The following CLEC9A variants were observed in gnomAD, a reference collection of about 807,000 sequenced individuals.
CLEC9A encodes C-type lectin domain family 9 member A.
In CLEC9A, 24 loss-of-function variants were observed where a neutral mutation model predicts 30.0. That is an observed-to-expected ratio of 0.80 (90% CI 0.58 to 1.13). CLEC9A has a LOEUF of 1.13. Among genes scored for constraint, CLEC9A ranks in the 50% most tolerant of loss-of-function variants. The pLI, the probability that CLEC9A is intolerant of heterozygous loss-of-function variation, is 0.00. For missense variants in CLEC9A, 251 were observed against 280.9 expected, an observed-to-expected ratio of 0.89 and a Z score of 0.76; for synonymous variants, 111 against 96.8, an observed-to-expected ratio of 1.15 and a Z score of -0.86.
At chr12:10,059,017 A>G (rs1380744351) in intron 5 of CLEC9A, among the ~76,000 whole-genome samples, 1 of 151,922 alleles carries the variant, frequency 6.6e-6, no homozygotes, top group African/African-American at 2.4e-5. Context: ...AGGTGTTTTT[A>G]TTTGTTTTTT....
chr12:10,037,686 C>A (rs182606033), intron 1 of CLEC9A, among the ~76,000 whole-genome samples: 59 of 152,256 alleles, frequency 3.9e-4, no homozygotes, highest in African/African-American at 1.4e-3. Flanking sequence ...AGCTGGGAAG[C>A]AATTTTTTTT....
chr12:10,060,192 G>T (rs1865984577), intron 5 of CLEC9A, among the ~76,000 whole-genome samples: 1 of 152,136 alleles, frequency 6.6e-6, no homozygotes, highest in Non-Finnish European at 1.5e-5. Flanking sequence ...CACAACAATT[G>T]CACTCTTGAG....
intron 7 of CLEC9A, among the ~76,000 whole-genome samples, chr12:10,063,652 G>A (rs1866016492): frequency 6.6e-6 from 1 of 152,168 alleles, no homozygotes; most frequent in African/African-American, 2.4e-5. Context: ...AAATAAATAG[G>A]TCTTGAAAAA....
At position 10,054,449 on chromosome 12, in the gene CLEC9A, A is replaced by C; in HGVS notation, c.172+98A>C. The C allele has an allele frequency of 5.3e-6, 4 of 753,150 alleles. No homozygotes were observed. In the Admixed American group the frequency reaches 1.3e-4, roughly 24 times the overall value. 46.7% of individuals were successfully genotyped at this position (753,150 alleles called of 1,614,324 possible). A position where few individuals can be genotyped will look rare whatever the true frequency, so the allele number is the denominator to read the frequency against. ...AAAATCAATTCATATGTGAATGCAC[A>C]TAAATGATATAAAATAATGGCCTCA... On this transcript the variant is annotated intron_variant, in intron 5 of 8. Coordinates refer to ENST00000355819, the MANE Select transcript of CLEC9A (RefSeq NM_207345.4).
chr12:10,034,699 T>C (rs752849836), intron 1 of CLEC9A, among the ~76,000 whole-genome samples: 61 of 152,262 alleles, frequency 4.0e-4, no homozygotes, highest in Admixed American at 1.5e-3. Flanking sequence ...AATGGAGGTA[T>C]GGCTCGCTTC....
intron 1 of CLEC9A, among the ~76,000 whole-genome samples, chr12:10,033,668 A>C (rs1865719653): frequency 6.6e-6 from 1 of 152,250 alleles, no homozygotes; most frequent in Non-Finnish European, 1.5e-5. Context: ...ATGGAAGCAC[A>C]GTTATTAATT....
chr12:10,032,996 T>C (rs1865713259), intron 1 of CLEC9A, among the ~76,000 whole-genome samples: 1 of 152,038 alleles, frequency 6.6e-6, no homozygotes, highest in African/African-American at 2.4e-5. Context: ...ACTATTTCTA[T>C]GAAAACACTC....
chr12:10,032,866 T>C (rs966842251), intron 1 of CLEC9A, among the ~76,000 whole-genome samples: 3 of 152,112 alleles, frequency 2.0e-5, no homozygotes, highest in Admixed American at 2.0e-4. Context: ...ACGATTCTAA[T>C]TTTCTTATAT....
Position 10,041,603 on chromosome 12 carries a change from G to T in CLEC9A, c.-180G>T. ...CATGAAGGCTACTCTCCTGAAGACT[G>T]ACAACCAGAACATTCTGGTAAGAAG... On this transcript the variant is annotated 5_prime_UTR_variant, in exon 2 of 9. Transcript: ENST00000355819. 1.9e-6 allele frequency: 1 copy of T among 529,116 alleles called. No individual in the cohort carries two copies. The allele number at this position is 529,116 out of a possible 1,614,324, so 32.8% of individuals were successfully genotyped here. A position where few individuals can be genotyped will look rare whatever the true frequency, so the allele number is the denominator to read the frequency against.
At chr12:10,046,553 G>A (rs541276588) in intron 2 of CLEC9A, among the ~76,000 whole-genome samples, 1 of 152,314 alleles carries the variant, frequency 6.6e-6, no homozygotes, top group African/African-American at 2.4e-5. Flanking sequence ...AACTCAGCAA[G>A]TATTTATAGA....
chr12:10,048,957 G>A (rs185469569), intron 2 of CLEC9A, among the ~76,000 whole-genome samples: 1 of 152,204 alleles, frequency 6.6e-6, no homozygotes, highest in East Asian at 1.9e-4. Flanking sequence ...CACTATCCAT[G>A]GCAGTGATAG....
At chr12:10,064,191 TTTG>T (rs1387407924) in intron 7 of CLEC9A, among the ~76,000 whole-genome samples, 2 of 152,154 alleles carry the variant, frequency 1.3e-5, no homozygotes, top group Non-Finnish European at 2.9e-5. Flanking sequence ...GAGAAAATAA[TTTG>T]TTAAGGATAT....
At chr12:10,049,593 A>G (rs1865875872) in intron 2 of CLEC9A, among the ~76,000 whole-genome samples, 1 of 152,122 alleles carries the variant, frequency 6.6e-6, no homozygotes. Flanking sequence ...TTTGTTAGAG[A>G]TGGGTTCTTT....
intron 1 of CLEC9A, among the ~76,000 whole-genome samples, chr12:10,038,393 A>G (rs1474112658): frequency 6.6e-6 from 1 of 152,248 alleles, no homozygotes; most frequent in Non-Finnish European, 1.5e-5. Context: ...TTCAGAGTGA[A>G]GGAGATAGCA....
Position 10,065,899 on chromosome 12 carries a change from T to C in CLEC9A, c.*267T>C. 1 of 300,224 alleles carries C rather than the reference T, an allele frequency of 3.3e-6. No individual in the cohort carries two copies. 18.6% of individuals were successfully genotyped at this position (300,224 alleles called of 1,614,324 possible). A position where few individuals can be genotyped will look rare whatever the true frequency, so the allele number is the denominator to read the frequency against. On this transcript the variant is annotated 3_prime_UTR_variant, in exon 9 of 9. Coordinates refer to ENST00000355819, the MANE Select transcript of CLEC9A (RefSeq NM_207345.4). ...GTTAAGAACAAACGCAAGGAAATAA[T>C]TTTTATTGTTTAAAGCCCGGAATGA...
chr12:10,055,278 T>C (rs1194561321), intron 5 of CLEC9A, among the ~76,000 whole-genome samples: 2 of 152,210 alleles, frequency 1.3e-5, no homozygotes, highest in East Asian at 3.8e-4. Context: ...ATACATATTT[T>C]AGACAAATGT....
intron 2 of CLEC9A, among the ~76,000 whole-genome samples, chr12:10,051,578 G>T (rs1442727400): frequency 6.6e-6 from 1 of 152,082 alleles, no homozygotes; most frequent in East Asian, 1.9e-4. Context: ...TATGCCATTT[G>T]TTTCCTTCTG....
intron 2 of CLEC9A, among the ~76,000 whole-genome samples, chr12:10,049,094 G>A (rs888394272): frequency 3.3e-5 from 5 of 152,028 alleles, no homozygotes; most frequent in Admixed American, 1.3e-4. Context: ...CATCTTCATC[G>A]GAGCTCTAGA....
intron 1 of CLEC9A, among the ~76,000 whole-genome samples, chr12:10,039,339 A>G (rs1865771429): frequency 6.6e-6 from 1 of 152,200 alleles, no homozygotes; most frequent in Admixed American, 6.5e-5. Context: ...CAATTGTCCT[A>G]TACATAGCTG....
Sources: gnomAD v4.1 joint callset for allele counts (sites outside exome capture counted in the v4.1 genomes callset) on GRCh38, gnomAD v4.1.1 for gene constraint, MANE v1.5 for transcripts, NCBI Gene and HGNC (gene_info 2026-07-23, HGNC 2026-07-21) for gene names.